KCNIP1: variants seen among roughly 807,000 people sequenced by gnomAD.
The protein encoded by KCNIP1 is potassium voltage-gated channel interacting protein 1.
Under a neutral mutation model 33.0 loss-of-function variants are expected in KCNIP1, and 18 were observed. The ratio of observed to expected loss-of-function variants is 0.55; its 90% CI spans 0.38 to 0.81. The LOEUF is 0.81. Ranked by LOEUF, KCNIP1 falls within the 30% of genes least tolerant of loss-of-function variation. The pLI, the probability that KCNIP1 is intolerant of heterozygous loss-of-function variation, is 0.00. For synonymous variants in KCNIP1, 93 were observed against 98.3 expected (o/e 0.95, Z 0.32); for missense variants, 238 against 271.6 (o/e 0.88, Z 0.87).
chr5:170,560,831 CA>C (rs1440576446), intron 1 of KCNIP1, among the ~76,000 whole-genome samples: 1 of 152,134 alleles, frequency 6.6e-6, no homozygotes, highest in African/African-American at 2.4e-5. Context: ...CCCCCCGCCC[CA>C]GATGCTCTTC....
intron 1 of KCNIP1, among the ~76,000 whole-genome samples, chr5:170,709,964 C>T (rs948781175): frequency 3.3e-5 from 5 of 152,080 alleles, no homozygotes; most frequent in African/African-American, 1.2e-4. Flanking sequence ...ACCCCTTGGG[C>T]TCAAGTGATT....
At chr5:170,477,948 A>T (rs1362959995) in intron 1 of KCNIP1, among the ~76,000 whole-genome samples, 1 of 152,206 alleles carries the variant, frequency 6.6e-6, no homozygotes, top group Non-Finnish European at 1.5e-5. Flanking sequence ...AAAAACTCCA[A>T]TAGAAGTGCC....
At chr5:170,619,083 G>T (rs2113637941) in intron 1 of KCNIP1, among the ~76,000 whole-genome samples, 1 of 152,334 alleles carries the variant, frequency 6.6e-6, no homozygotes, top group South Asian at 2.1e-4. Flanking sequence ...TGAAGAGACG[G>T]ATGGATAACT....
intron 1 of KCNIP1, among the ~76,000 whole-genome samples, chr5:170,569,746 A>AT (rs377061311): frequency 6.0e-4 from 89 of 147,634 alleles, no homozygotes; most frequent in South Asian, 6.4e-4. Flanking sequence ...CCTGTCTCTA[A>AT]TTTTTTTTTT....
At chr5:170,710,082 G>T (rs1763393207) in intron 1 of KCNIP1, among the ~76,000 whole-genome samples, 1 of 152,148 alleles carries the variant, frequency 6.6e-6, no homozygotes, top group Non-Finnish European at 1.5e-5. Context: ...TGGCCAGGTT[G>T]GTCTCGAACT....
At chr5:170,551,093 T>C (rs1756610895) in intron 1 of KCNIP1, among the ~76,000 whole-genome samples, 1 of 152,238 alleles carries the variant, frequency 6.6e-6, no homozygotes, top group Non-Finnish European at 1.5e-5. Flanking sequence ...CCGTGCACTT[T>C]TACACTTTTA....
chr5:170,509,521 A>C (rs1292158894), intron 1 of KCNIP1, among the ~76,000 whole-genome samples: 1 of 144,302 alleles, frequency 6.9e-6, no homozygotes, highest in Non-Finnish European at 1.5e-5. Context: ...TAAGTGAATA[A>C]GTGAGCATAT....
chr5:170,628,889 A>G (rs574078878), intron 1 of KCNIP1, among the ~76,000 whole-genome samples: 2 of 152,338 alleles, frequency 1.3e-5, no homozygotes, highest in African/African-American at 4.8e-5. Context: ...CTGGCCGTGC[A>G]TGAGGGTCAG....
At chr5:170,587,421 C>CAAAAAAAAAAAAAAAAAAAAAAAAAA (rs56358014) in intron 1 of KCNIP1, among the ~76,000 whole-genome samples, 10 of 70,336 alleles carry the variant, frequency 1.4e-4, no homozygotes, top group Non-Finnish European at 2.5e-4. Context: ...GACTCTGTCT[C>CAAAAAAAAAAAAAAAAAAAAAAAAAA]AAAAAAAAAA....
chr5:170,523,570 G>C (rs1755450734), intron 1 of KCNIP1, among the ~76,000 whole-genome samples: 1 of 152,072 alleles, frequency 6.6e-6, no homozygotes, highest in Non-Finnish European at 1.5e-5. Flanking sequence ...GGGAGGCGGG[G>C]AGTTGATGAG....
intron 1 of KCNIP1, among the ~76,000 whole-genome samples, chr5:170,469,883 T>C (rs73803714): frequency 0.029 from 4,386 of 152,322 alleles, 200 homozygotes; most frequent in African/African-American, 0.1. Flanking sequence ...TGAATGTCCT[T>C]CACTCAATCC....
chr5:170,508,410 T>A (rs907827182), intron 1 of KCNIP1, among the ~76,000 whole-genome samples: 4 of 152,144 alleles, frequency 2.6e-5, no homozygotes, highest in South Asian at 2.1e-4. Flanking sequence ...TCAGGGAACT[T>A]ATGGAAGCAG....
intron 1 of KCNIP1, among the ~76,000 whole-genome samples, chr5:170,533,801 A>G (rs1215311220): frequency 5.3e-5 from 8 of 152,180 alleles, no homozygotes; most frequent in Non-Finnish European, 8.8e-5. Flanking sequence ...TTAGATTGCA[A>G]TTCTCAGGGA....
At chr5:170,387,838 C>A (rs995474424) in intron 1 of KCNIP1, among the ~76,000 whole-genome samples, 1 of 152,224 alleles carries the variant, frequency 6.6e-6, no homozygotes, top group African/African-American at 2.4e-5. Context: ...TCCCCAGGAC[C>A]TGCAAGGGTC....
intron 1 of KCNIP1, among the ~76,000 whole-genome samples, chr5:170,373,983 C>T (rs12658067): frequency 0.44 from 67,184 of 152,000 alleles, 15,149 homozygotes; most frequent in South Asian, 0.51. Context: ...TGGCACTTTG[C>T]TCAAACAGTG....
intron 1 of KCNIP1, among the ~76,000 whole-genome samples, chr5:170,646,842 A>G (rs1439739002): frequency 6.6e-6 from 1 of 152,178 alleles, no homozygotes; most frequent in East Asian, 1.9e-4. Flanking sequence ...AAAATTGAAA[A>G]GAATCAACAA....
At chr5:170,689,593 T>C (rs1238066312) in intron 1 of KCNIP1, among the ~76,000 whole-genome samples, 1 of 152,156 alleles carries the variant, frequency 6.6e-6, no homozygotes. Flanking sequence ...CAGAGAAGGC[T>C]TCCAAAGAAG....
rs142208543 is a variant in KCNIP1 at position 170,431,764 on chromosome 5, G to A, written c.88+77800G>A. Among the ~76,000 whole-genome samples, 659 of 152,296 alleles carry A rather than the reference G, an allele frequency of 4.3e-3. 2 individuals carry two copies. Among genetic ancestry groups the A allele is most frequent in the Non-Finnish European group, 7.0e-3 (475 of 68,012 alleles). Reference sequence around the variant, plus strand: ...TGGTGCAAGGGGGCCAGGCATTCCCGCCAAGGCTCTGCCACCTACCCAGCA... The same window carrying A: ...TGGTGCAAGGGGGCCAGGCATTCCCACCAAGGCTCTGCCACCTACCCAGCA... On this transcript the variant is annotated intron_variant, in intron 1 of 7. Coordinates refer to the KCNIP1 transcript ENST00000377360.
intron 1 of KCNIP1, among the ~76,000 whole-genome samples, chr5:170,603,487 G>A (rs2113593854): frequency 6.6e-6 from 1 of 152,310 alleles, no homozygotes; most frequent in Admixed American, 6.5e-5. Context: ...AGTGACAAAC[G>A]AGACAGATGC....
Sources: allele counts gnomAD v4.1 joint callset (sites outside exome capture counted in the v4.1 genomes callset), GRCh38; gene constraint gnomAD v4.1.1; transcripts MANE v1.5; gene names NCBI Gene and HGNC (gene_info 2026-07-23, HGNC 2026-07-21).